DIP2C: variants seen among roughly 807,000 people sequenced by gnomAD.
The protein encoded by DIP2C is disco-interacting protein 2 homolog C.
DIP2C carries 33 observed loss-of-function variants against 192.4 expected under a neutral mutation model. The ratio of observed to expected loss-of-function variants is 0.17; its 90% CI spans 0.13 to 0.23. DIP2C has a LOEUF of 0.23. DIP2C is among the 10% of genes least tolerant of loss of function. DIP2C has a pLI of 1.00. For missense variants in DIP2C, 1,537 were observed against 2,110.1 expected (o/e 0.73, Z 5.32); for synonymous variants, 979 against 864.1 (o/e 1.13, Z -2.33).
At chr10:654,098 C>A (rs1057039586) in intron 1 of DIP2C, among the ~76,000 whole-genome samples, 3 of 152,212 alleles carry the variant, frequency 2.0e-5, no homozygotes, top group Admixed American at 6.5e-5. Context: ...CACGCACAGG[C>A]AGTGAGGGCA....
Position 461,322 on chromosome 10 carries a change from C to T in DIP2C, c.268+11117G>A, listed in dbSNP as rs143441362. On this transcript the variant is annotated intron_variant, in intron 3 of 36. Coordinates refer to ENST00000280886, the MANE Select transcript of DIP2C (RefSeq NM_014974.3). ...GAGACCTATCTCATGTGCAAAGACA[C>T]ACATAGGCTCAAAATAAAGGATGGA... Among the ~76,000 whole-genome samples the T allele has an allele frequency of 2.9e-3, 434 of 152,218 alleles. 2 individuals are homozygous for T. Among genetic ancestry groups the T allele is most frequent in the East Asian group, 5.0e-3 (26 of 5,184 alleles).
intron 10 of DIP2C, 149 bp from the exon 11 acceptor site, chr10:391,012 T>C: frequency 1.7e-6 from 2 of 1,149,230 alleles, no homozygotes; most frequent in Non-Finnish European, 2.4e-6. Flanking sequence ...TGTGGGACCC[T>C]GAACAGGTGA....
At chr10:606,702 A>C (rs1350236702) in intron 1 of DIP2C, among the ~76,000 whole-genome samples, 1 of 152,216 alleles carries the variant, frequency 6.6e-6, no homozygotes, top group Non-Finnish European at 1.5e-5. Context: ...CTCACTGCTT[A>C]AGCACTCTGC....
At chr10:448,619 C>CT (rs1968543183) in intron 3 of DIP2C, among the ~76,000 whole-genome samples, 1 of 139,898 alleles carries the variant, frequency 7.1e-6, no homozygotes, top group Admixed American at 6.9e-5. Context: ...CCACTCACTC[C>CT]CGTCGATACT....
intron 1 of DIP2C, among the ~76,000 whole-genome samples, chr10:574,346 A>T (rs1403579459): frequency 6.6e-6 from 1 of 152,262 alleles, no homozygotes; most frequent in African/African-American, 2.4e-5. Flanking sequence ...GCACGGTTAG[A>T]ATAACCATTC....
At chr10:500,461 G>T (rs1271581721) in intron 1 of DIP2C, among the ~76,000 whole-genome samples, 1 of 152,240 alleles carries the variant, frequency 6.6e-6, no homozygotes, top group Non-Finnish European at 1.5e-5. Context: ...TGGGAACACT[G>T]TACGTGCCTA....
chr10:306,103 C>G (rs1290285146), intron 32 of DIP2C, among the ~76,000 whole-genome samples: 1 of 151,944 alleles, frequency 6.6e-6, no homozygotes, highest in African/African-American at 2.4e-5. Context: ...TACACTGTAA[C>G]AAATATTTTA....
At chr10:674,789 T>TATATATAGAGAGAGAGAGAGAGAG in intron 1 of DIP2C, among the ~76,000 whole-genome samples, 3 of 62,498 alleles carry the variant, frequency 4.8e-5, no homozygotes, top group African/African-American at 1.8e-4. Flanking sequence ...TATATATATA[T>TATATATAGAGAGAGAGAGAGAGAG]AGAGAGAGAG....
chr10:342,379 C>A (rs185909281), intron 28 of DIP2C, among the ~76,000 whole-genome samples: 3,736 of 152,244 alleles, frequency 0.025, 139 homozygotes, highest in African/African-American at 0.085. Context: ...AGGATGGTCT[C>A]GATCTCCTGA....
intron 1 of DIP2C, among the ~76,000 whole-genome samples, chr10:582,291 GAGGGCA>G (rs752887334): frequency 2.0e-5 from 3 of 152,228 alleles, no homozygotes; most frequent in Non-Finnish European, 4.4e-5. Flanking sequence ...AAGGAAGCCT[GAGGGCA>G]GCTCCCTGAC....
intron 32 of DIP2C, 118 bp from the exon 33 acceptor site, chr10:288,539 T>C (rs1176716506): frequency 1.9e-6 from 2 of 1,063,414 alleles, no homozygotes; most frequent in South Asian, 1.4e-5. Context: ...CTGAGCATCA[T>C]CCAACAGCAA....
In DIP2C at chr10:363,088, A is replaced by G; in HGVS notation, c.2592+109T>C. The G allele has an allele frequency of 2.3e-5, 21 of 907,324 alleles. No individual in the cohort carries two copies. Among genetic ancestry groups the G allele is most frequent in the Admixed American group, 2.6e-5 (1 of 38,484 alleles). 56.2% of individuals were successfully genotyped at this position (907,324 alleles called of 1,614,324 possible). On this transcript the variant is annotated intron_variant, in intron 21 of 36. Transcript: ENST00000280886. This position sits in a 1 kb window ranked among gnomAD's most constrained non-coding sequence, Gnocchi z 5.4. ...CTGATCAAATGAAGGGAAGGGAAAA[A>G]GGGCCACCCCATGGGCAAAGCAACA...
intron 1 of DIP2C, among the ~76,000 whole-genome samples, chr10:564,692 G>C (rs1200624160): frequency 1.3e-5 from 2 of 152,114 alleles, no homozygotes; most frequent in Non-Finnish European, 1.5e-5. Flanking sequence ...GACTCAATGA[G>C]CCAATATGCC....
intron 29 of DIP2C, among the ~76,000 whole-genome samples, chr10:333,170 T>G (rs1957578411): frequency 6.6e-6 from 1 of 152,254 alleles, no homozygotes. Context: ...CCCAAAGTGC[T>G]GGGATTACCT....
At chr10:427,511 A>G (rs1178742713) in intron 4 of DIP2C, among the ~76,000 whole-genome samples, 2 of 152,214 alleles carry the variant, frequency 1.3e-5, no homozygotes, top group Non-Finnish European at 2.9e-5. Context: ...TACACCTGTA[A>G]AAGTCGTTCA....
rs187662909 is a variant in DIP2C at position 351,835 on chromosome 10, T to A, written c.2986-2381A>T. On this transcript the variant is annotated intron_variant, in intron 24 of 36. Transcript: ENST00000280886. ...CACCGGCTCCTTGCCGCCAACGTCC[T>A]CTGAGCTCTTCAAGTGAACATGGGA... Among the ~76,000 whole-genome samples the A allele has an allele frequency of 1.7e-3, 265 of 152,290 alleles. 2 individuals carry two copies. The highest frequency in any genetic ancestry group is 0.01 in the East Asian group (53 of 5,182).
intron 1 of DIP2C, among the ~76,000 whole-genome samples, chr10:649,094 G>A (rs970466060): frequency 5.4e-5 from 8 of 148,388 alleles, no homozygotes; most frequent in Non-Finnish European, 9.0e-5. Flanking sequence ...CTGAGTCCAC[G>A]TCCACATTGG....
At chr10:552,143 G>A (rs989277943) in intron 1 of DIP2C, among the ~76,000 whole-genome samples, 3 of 152,226 alleles carry the variant, frequency 2.0e-5, no homozygotes, top group South Asian at 2.1e-4. Context: ...GGAGGCTGTC[G>A]ATGGCAGCTC....
intron 1 of DIP2C, among the ~76,000 whole-genome samples, chr10:528,856 C>T (rs1026689064): frequency 5.9e-5 from 9 of 152,190 alleles, no homozygotes; most frequent in East Asian, 3.9e-4. Flanking sequence ...GGCAGGAAGG[C>T]GACTCAGCAG....
Sources: allele counts gnomAD v4.1 joint callset (sites outside exome capture counted in the v4.1 genomes callset), GRCh38; gene constraint gnomAD v4.1.1; non-coding constraint Gnocchi (gnomAD v3.1); transcripts MANE v1.5; gene names NCBI Gene and HGNC (gene_info 2026-07-23, HGNC 2026-07-21).